Variants in RRAS2 observed in about 807,000 individuals in gnomAD.
RRAS2 encodes the protein RAS related 2, also known as ras-related protein R-Ras2.
RRAS2 carries 7 observed loss-of-function variants against 27.6 expected under a neutral mutation model. The observed-to-expected ratio is 0.25, with a 90% CI of 0.14 to 0.48. RRAS2 has a LOEUF of 0.48. Ranked by LOEUF, RRAS2 falls within the 20% of genes least tolerant of loss-of-function variation. The pLI, the probability that RRAS2 is intolerant of heterozygous loss-of-function variation, is 0.99. For synonymous variants in RRAS2, 86 were observed against 90.9 expected (o/e 0.95, Z 0.31); for missense variants, 178 against 256.2 (o/e 0.69, Z 2.08).
chr11:14,323,381 C>G (rs1197892961), intron 1 of RRAS2, among the ~76,000 whole-genome samples: 4 of 151,956 alleles, frequency 2.6e-5, no homozygotes, highest in Admixed American at 2.6e-4. Context: ...TTGCTTGAGC[C>G]TGGGAGGTGG....
At chr11:14,339,293 A>AGGG (rs549908438) in intron 1 of RRAS2, among the ~76,000 whole-genome samples, 14 of 63,928 alleles carry the variant, frequency 2.2e-4, no homozygotes, top group African/African-American at 7.4e-4. Context: ...AAAAAAAAAA[A>AGGG]GGGGGGGGGG....
intron 1 of RRAS2, chr11:14,336,930 C>T (rs1028931201): frequency 1.8e-4 from 27 of 152,076 alleles, no homozygotes; most frequent in Non-Finnish European, 1.0e-4. Context: ...TACACCAAGA[C>T]ACATCATAAT....
chr11:14,332,359 G>C (rs1454328454), intron 1 of RRAS2, among the ~76,000 whole-genome samples: 1 of 152,198 alleles, frequency 6.6e-6, no homozygotes. Flanking sequence ...CTACTAGCCA[G>C]GCGTGGTGGC....
intron 5 of RRAS2, among the ~76,000 whole-genome samples, chr11:14,280,499 G>A (rs1287276193): frequency 1.6e-4 from 25 of 151,820 alleles, no homozygotes; most frequent in African/African-American, 5.6e-4. Context: ...AGGCTGAGGC[G>A]GGTGGAACAC....
intron 1 of RRAS2, among the ~76,000 whole-genome samples, chr11:14,307,505 C>G (rs1591459628): frequency 1.5e-5 from 2 of 130,420 alleles, no homozygotes; most frequent in East Asian, 4.7e-4. Context: ...TCTCCTGCCT[C>G]AGCCTCCCGA....
intron 1 of RRAS2, among the ~76,000 whole-genome samples, chr11:14,317,540 AT>A (rs1412919610): frequency 6.6e-6 from 1 of 152,252 alleles, no homozygotes; most frequent in Non-Finnish European, 1.5e-5. Context: ...AGACCGTGCC[AT>A]TGCACTCCAG....
chr11:14,340,661 C>G (rs1250458542), intron 1 of RRAS2, among the ~76,000 whole-genome samples: 1 of 152,076 alleles, frequency 6.6e-6, no homozygotes, highest in Non-Finnish European at 1.5e-5. Context: ...AGAGTTAGAC[C>G]CTTAGTTCAG....
At chr11:14,351,155 CT>C (rs1210938587) in intron 1 of RRAS2, among the ~76,000 whole-genome samples, 1 of 152,102 alleles carries the variant, frequency 6.6e-6, no homozygotes, top group East Asian at 1.9e-4. Flanking sequence ...TAACCTGAAT[CT>C]AATCATGAAG....
chr11:14,280,981 A>G (rs1849518265), intron 5 of RRAS2, among the ~76,000 whole-genome samples: 1 of 152,198 alleles, frequency 6.6e-6, no homozygotes, highest in South Asian at 2.1e-4. Flanking sequence ...TTTTTAAACC[A>G]AAAGGCCCCC....
chr11:14,360,984 C>G (rs1436222420), upstream of RRAS2, among the ~76,000 whole-genome samples: 1 of 150,960 alleles, frequency 6.6e-6, no homozygotes, highest in African/African-American at 2.4e-5. Flanking sequence ...GAATATTTGA[C>G]CCACAAAATC....
intron 1 of RRAS2, among the ~76,000 whole-genome samples, chr11:14,333,127 T>C (rs1465714432): frequency 6.6e-6 from 1 of 152,180 alleles, no homozygotes; most frequent in Non-Finnish European, 1.5e-5. Context: ...AAGCAACTTA[T>C]GTCATCATAT....
chr11:14,295,730 A>G (rs1847528401), intron 2 of RRAS2, 38 bp downstream of exon 2: 3 of 1,497,918 alleles, frequency 2.0e-6, no homozygotes, highest in South Asian at 2.5e-5. Context: ...TTTAAAAAAT[A>G]TGATATGCAA....
At chr11:14,305,716 C>G (rs193090528) in intron 1 of RRAS2, among the ~76,000 whole-genome samples, 1 of 152,278 alleles carries the variant, frequency 6.6e-6, no homozygotes, top group African/African-American at 2.4e-5. Context: ...TTTGGGGGTT[C>G]CAATTTTTCA....
intron 1 of RRAS2, among the ~76,000 whole-genome samples, chr11:14,311,041 G>A (rs1847951364): frequency 6.6e-6 from 1 of 152,166 alleles, no homozygotes; most frequent in African/African-American, 2.4e-5. Context: ...CTGATTCGAG[G>A]AGAAACAAAT....
At chr11:14,336,468 A>T (rs1356450532) in intron 1 of RRAS2, among the ~76,000 whole-genome samples, 1 of 152,180 alleles carries the variant, frequency 6.6e-6, no homozygotes, top group Non-Finnish European at 1.5e-5. Context: ...TCTCCATAAA[A>T]ATGTTTCAAC....
chr11:14,350,892 C>G (rs1017840600), intron 1 of RRAS2, among the ~76,000 whole-genome samples: 8 of 152,174 alleles, frequency 5.3e-5, no homozygotes, highest in Non-Finnish European at 1.0e-4. Context: ...TAATCATGCC[C>G]TCAGTCTTTT....
Position 14,358,903 on chromosome 11 carries a change from G to A in RRAS2, c.-33C>T, listed in dbSNP as rs782428756. 10 of 1,335,818 alleles carry A rather than the reference G, an allele frequency of 7.5e-6. No individual in the cohort carries two copies. The highest frequency in any genetic ancestry group is 8.7e-6 in the Non-Finnish European group (9 of 1,031,902). 82.7% of individuals were successfully genotyped at this position (1,335,818 alleles called of 1,614,324 possible). A position where few individuals can be genotyped will look rare whatever the true frequency, so the allele number is the denominator to read the frequency against. On this transcript the variant is annotated 5_prime_UTR_variant, in exon 1 of 6. Transcript: ENST00000256196. This position sits in a 1 kb window ranked among gnomAD's most constrained non-coding sequence, Gnocchi z 5.1. ...CTACAGAGCCCAGCCTGACTGCGCC[G>A]AGCCGCCGCTGCCGCCCGCCCTAGG...
intron 4 of RRAS2, among the ~76,000 whole-genome samples, chr11:14,283,547 T>A (rs1849595423): frequency 1.3e-5 from 2 of 152,218 alleles, no homozygotes; most frequent in African/African-American, 4.8e-5. Context: ...GAAGTTTTCT[T>A]TGAGGTACGT....
intron 1 of RRAS2, among the ~76,000 whole-genome samples, chr11:14,318,150 C>G (rs782320193): frequency 6.6e-6 from 1 of 152,120 alleles, no homozygotes; most frequent in Non-Finnish European, 1.5e-5. Flanking sequence ...TAGAGAAATA[C>G]CTGTCAAATG....
Sources: allele counts gnomAD v4.1 joint callset (sites outside exome capture counted in the v4.1 genomes callset), GRCh38; gene constraint gnomAD v4.1.1; non-coding constraint Gnocchi (gnomAD v3.1); transcripts MANE v1.5; gene names NCBI Gene and HGNC (gene_info 2026-07-23, HGNC 2026-07-21).